The following KAZN variants were observed in gnomAD, a reference collection of about 807,000 sequenced individuals.
The protein encoded by KAZN is kazrin, periplakin interacting protein, also known as kazrin.
In KAZN, 40 loss-of-function variants were observed where a neutral mutation model predicts 87.4. That is an observed-to-expected ratio of 0.46 (90% CI 0.36 to 0.60). The LOEUF is 0.60. KAZN is among the 20% of genes least tolerant of loss of function. KAZN has a pLI of 0.00. For missense variants in KAZN, 898 were observed against 1,073.9 expected (o/e 0.84, Z 2.29); for synonymous variants, 466 against 458.3 (o/e 1.02, Z -0.22).
At chr1:14,580,069 T>G (rs147890179) in intron 2 of KAZN, among the ~76,000 whole-genome samples, 2 of 152,228 alleles carry the variant, frequency 1.3e-5, no homozygotes, top group Non-Finnish European at 2.9e-5. Flanking sequence ...ATCTTTTTTG[T>G]GGCATATTAT....
chr1:14,249,030 A>G (rs1649769372), intron 2 of KAZN, among the ~76,000 whole-genome samples: 1 of 152,196 alleles, frequency 6.6e-6, no homozygotes, highest in African/African-American at 2.4e-5. Context: ...CAGGCACCAG[A>G]TATATGAGTA....
chr1:14,887,385 G>A (rs764371891), intron 1 of KAZN, among the ~76,000 whole-genome samples: 3 of 152,120 alleles, frequency 2.0e-5, no homozygotes, highest in Non-Finnish European at 4.4e-5. Context: ...ATGGGCTGCC[G>A]CTGAGATCCC....
chr1:15,058,584 T>G (rs1430730921), intron 5 of KAZN, among the ~76,000 whole-genome samples: 1 of 152,210 alleles, frequency 6.6e-6, no homozygotes, highest in Non-Finnish European at 1.5e-5. Flanking sequence ...GTCTGGACCT[T>G]CCATTCAACC....
intron 2 of KAZN, among the ~76,000 whole-genome samples, chr1:14,995,746 G>T (rs1667801297): frequency 6.6e-6 from 1 of 152,114 alleles, no homozygotes; most frequent in Non-Finnish European, 1.5e-5. Flanking sequence ...CTTCCAAAAT[G>T]CCCCTTTCGG....
intron 2 of KAZN, among the ~76,000 whole-genome samples, chr1:14,338,978 C>G (rs1252867528): frequency 6.6e-6 from 1 of 151,918 alleles, no homozygotes; most frequent in Non-Finnish European, 1.5e-5. Context: ...ATCCTTGGGA[C>G]CAATGTGATG....
intron 2 of KAZN, among the ~76,000 whole-genome samples, chr1:14,443,719 G>T (rs1346121417): frequency 1.3e-5 from 2 of 152,198 alleles, no homozygotes; most frequent in Non-Finnish European, 2.9e-5. Flanking sequence ...GGATGTGGAG[G>T]CATTAAAGGT....
Position 13,952,665 on chromosome 1 carries a change from C to T in KAZN, c.91+58909C>T, listed in dbSNP as rs531970289. ...GGGAACTGTTATAAACCCCCGATCG[C>T]TTTCAGAACACCTTATAAAGTCAAC... On this transcript the variant is annotated intron_variant, in intron 1 of 16. Coordinates refer to the KAZN transcript ENST00000636203. Among the ~76,000 whole-genome samples the T allele has an allele frequency of 2.6e-5, 4 of 152,068 alleles. No individual in the cohort carries two copies. In the East Asian group the frequency reaches 5.8e-4, roughly 22 times the overall value.
At chr1:14,632,939 C>T (rs1489347075) in intron 1 of KAZN, among the ~76,000 whole-genome samples, 2 of 151,404 alleles carry the variant, frequency 1.3e-5, no homozygotes, top group African/African-American at 4.9e-5. Context: ...TTTTTTGAGA[C>T]AGAGTATCAC....
rs59330567 is a variant in KAZN at position 14,610,192 on chromosome 1, CTGTTTGTTTGTTTGTT to C, written c.226+10988_226+11003del. The stretch of plus-strand genomic sequence containing the variant: ...ATCATCTGACTTCTCTTCCAATGAC[CTGTTTGTTTGTTTGTT>C]TGTTTGTTTGTTTGTTTGAGACAGA... On this transcript the variant is annotated intron_variant, in intron 1 of 14. Coordinates refer to ENST00000376030, the MANE Select transcript of KAZN (RefSeq NM_201628.3). Among the ~76,000 whole-genome samples, 11 of 151,316 alleles carry C rather than the reference CTGTTTGTTTGTTTGTT, an allele frequency of 7.3e-5. No individual in the cohort carries two copies. The East Asian group carries it at 1.4e-3, about 19-fold the overall frequency.
Position 14,295,137 on chromosome 1 carries a change from T to C in KAZN, c.249+114545T>C, listed in dbSNP as rs146725917. ...GGGTGGTTGAGAAGGTGGACAAATA[T>C]GTATCAGATGGCTTTCCTTTGCTCT... On this transcript the variant is annotated intron_variant, in intron 2 of 16. Transcript: ENST00000636203. 5.9e-5 allele frequency among the ~76,000 whole-genome samples: 9 copies of C among 152,246 alleles called. No individual in the cohort carries two copies. The East Asian group carries it at 1.6e-3, about 26-fold the overall frequency.
intron 2 of KAZN, among the ~76,000 whole-genome samples, chr1:14,544,896 C>G (rs1315343838): frequency 3.9e-5 from 6 of 152,176 alleles, no homozygotes; most frequent in Admixed American, 2.0e-4. Flanking sequence ...CCCAGCCCAG[C>G]CTTCTTGGAC....
chr1:14,105,262 T>C (rs1644343115), intron 1 of KAZN, among the ~76,000 whole-genome samples: 1 of 152,102 alleles, frequency 6.6e-6, no homozygotes, highest in Non-Finnish European at 1.5e-5. Context: ...TGAGTGTGTA[T>C]AACAAAAAGA....
In KAZN at chr1:14,965,028, AT is replaced by A. The variant is rs890640378; in HGVS notation, c.418+4160del. Among the ~76,000 whole-genome samples, 7 of 150,678 alleles carry A rather than the reference AT, an allele frequency of 4.6e-5. No homozygotes were observed. In the South Asian group the frequency reaches 1.0e-3, roughly 22 times the overall value. On this transcript the variant is annotated intron_variant, in intron 2 of 14. Coordinates refer to ENST00000376030, the MANE Select transcript of KAZN (RefSeq NM_201628.3). Reference sequence around the variant, plus strand: ...ATGATTGTTTAAGACATATATATATATTTTTTTCTTTTTTTTTTTTGAGACA... The same window carrying A: ...ATGATTGTTTAAGACATATATATATATTTTTTCTTTTTTTTTTTTGAGACA...
chr1:14,624,912 T>C (rs976029330), intron 1 of KAZN, among the ~76,000 whole-genome samples: 5 of 152,150 alleles, frequency 3.3e-5, no homozygotes, highest in African/African-American at 1.2e-4. Context: ...CTGCTTGATC[T>C]CACTAGACAT....
intron 1 of KAZN, among the ~76,000 whole-genome samples, chr1:14,879,691 C>T (rs1281404578): frequency 6.6e-6 from 1 of 152,124 alleles, no homozygotes; most frequent in African/African-American, 2.4e-5. Flanking sequence ...CTAGTGGAGA[C>T]CAACTGGGCT....
At chr1:14,075,510 C>A (rs1441851052) in intron 1 of KAZN, among the ~76,000 whole-genome samples, 1 of 152,030 alleles carries the variant, frequency 6.6e-6, no homozygotes, top group African/African-American at 2.4e-5. Flanking sequence ...AGAAGCAGTA[C>A]AGATAAGGGG....
At chr1:15,089,007 G>A (rs1573282679) in intron 8 of KAZN, among the ~76,000 whole-genome samples, 1 of 151,866 alleles carries the variant, frequency 6.6e-6, no homozygotes, top group South Asian at 2.1e-4. Context: ...GCACACACAC[G>A]CTCACATTGC....
intron 2 of KAZN, among the ~76,000 whole-genome samples, chr1:14,294,495 T>TGGGA (rs1285030441): frequency 6.6e-6 from 1 of 151,974 alleles, no homozygotes. Flanking sequence ...TTCTCCCATT[T>TGGGA]AACAGATGAG....
intron 1 of KAZN, among the ~76,000 whole-genome samples, chr1:13,947,500 A>G (rs1641190765): frequency 6.6e-6 from 1 of 152,170 alleles, no homozygotes; most frequent in African/African-American, 2.4e-5. Context: ...GTGGGGACGC[A>G]GAGCCAAACC....
Sources: gnomAD v4.1 joint callset for allele counts (sites outside exome capture counted in the v4.1 genomes callset) on GRCh38, gnomAD v4.1.1 for gene constraint, MANE v1.5 for transcripts, NCBI Gene and HGNC (gene_info 2026-07-23, HGNC 2026-07-21) for gene names.